Variants in NBAS observed in about 807,000 individuals in gnomAD.
NBAS encodes NBAS subunit of NRZ tethering complex, also known as NAG/BC035112 fusion.
A neutral mutation model predicts 302.5 loss-of-function variants in NBAS; 219 were observed. The observed-to-expected ratio is 0.72, with a 90% CI of 0.65 to 0.81. The LOEUF (loss-of-function observed/expected upper bound fraction) is 0.81. NBAS is among the 30% of genes least tolerant of loss of function. The probability of loss-of-function intolerance (pLI) is 0.00; values close to 1 mark genes in which losing one functional copy is unlikely to be tolerated. For synonymous variants in NBAS, 1,118 were observed against 1,021.6 expected (o/e 1.09, Z -1.80); for missense variants, 2,932 against 2,841.6 (o/e 1.03, Z -0.72).
intron 6 of NBAS, among the ~76,000 whole-genome samples, chr2:15,544,497 T>G (rs1664010094): frequency 6.6e-6 from 1 of 152,152 alleles, no homozygotes. Context: ...GCATAAACTT[T>G]GCAAATTTGA....
the NBAS span, among the ~76,000 whole-genome samples, chr2:14,929,686 A>C: frequency 2.7e-3 from 402 of 148,132 alleles, 4 homozygotes; most frequent in African/African-American, 9.8e-3. Flanking sequence ...TCCAACAGTA[A>C]ATTTTTTTTT....
chr2:15,449,783 A>T (rs1340486471), intron 21 of NBAS, among the ~76,000 whole-genome samples: 1 of 152,184 alleles, frequency 6.6e-6, no homozygotes, highest in Non-Finnish European at 1.5e-5. Context: ...CTGCCAGCAT[A>T]TTCCACTCTG....
chr2:14,874,579 G>A, the NBAS span, among the ~76,000 whole-genome samples: 2 of 150,834 alleles, frequency 1.3e-5, no homozygotes, highest in African/African-American at 4.9e-5. Flanking sequence ...GGTGGAGCTT[G>A]CAGTGAGCCA....
chr2:14,785,120 T>C, the NBAS span, among the ~76,000 whole-genome samples: 3 of 152,174 alleles, frequency 2.0e-5, no homozygotes, highest in Non-Finnish European at 2.9e-5. Context: ...GCTCTCTGTT[T>C]GTCTGTTATT....
the NBAS span, among the ~76,000 whole-genome samples, chr2:15,007,747 T>C: frequency 9.8e-3 from 1,498 of 152,298 alleles, 41 homozygotes; most frequent in East Asian, 0.089. Flanking sequence ...ACTAGGATGA[T>C]AGTAAAGGCT....
intron 32 of NBAS, among the ~76,000 whole-genome samples, chr2:15,360,350 A>C (rs62119505): frequency 1.3e-5 from 2 of 151,262 alleles, no homozygotes; most frequent in Admixed American, 6.6e-5. Context: ...AAAAAAACAA[A>C]ACAAAACAGA....
chr2:14,845,374 A>G, the NBAS span, among the ~76,000 whole-genome samples: 8 of 152,238 alleles, frequency 5.3e-5, no homozygotes, highest in African/African-American at 1.7e-4. Flanking sequence ...TAATAAAGAT[A>G]TGGCTTATAT....
the NBAS span, among the ~76,000 whole-genome samples, chr2:14,848,280 C>T: frequency 9.8e-4 from 144 of 147,240 alleles, 1 homozygote; most frequent in African/African-American, 3.7e-3. Context: ...CGCAAGGGGT[C>T]AGGGAGTTCC....
chr2:15,433,102 G>A (rs986653363), intron 21 of NBAS, among the ~76,000 whole-genome samples: 40 of 152,180 alleles, frequency 2.6e-4, no homozygotes, highest in Non-Finnish European at 4.7e-4. Flanking sequence ...AGTAAATGCC[G>A]CAATACTGCC....
At chr2:14,991,587 A>G in the NBAS span, among the ~76,000 whole-genome samples, 2 of 152,180 alleles carry the variant, frequency 1.3e-5, no homozygotes, top group Admixed American at 6.5e-5. Flanking sequence ...TCTGCTGCCC[A>G]GGTGCATTAC....
chr2:15,105,523 G>T, the NBAS span, among the ~76,000 whole-genome samples: 1 of 151,616 alleles, frequency 6.6e-6, no homozygotes, highest in Non-Finnish European at 1.5e-5. Context: ...TGTTTTTATG[G>T]TCCCTCCTAG....
intron 44 of NBAS, among the ~76,000 whole-genome samples, chr2:15,241,819 A>C (rs1176898223): frequency 1.3e-5 from 2 of 152,056 alleles, no homozygotes; most frequent in Non-Finnish European, 2.9e-5. Flanking sequence ...AGCTCCCCAA[A>C]TTTCTCAGCA....
At chr2:14,894,569 G>T in the NBAS span, among the ~76,000 whole-genome samples, 3 of 151,754 alleles carry the variant, frequency 2.0e-5, no homozygotes, top group Non-Finnish European at 2.9e-5. Flanking sequence ...AATATAATAT[G>T]ACTCCTCTGT....
intron 1 of NBAS, 79 bp from the exon 2 acceptor site, chr2:15,558,713 C>T (rs1201625949): frequency 3.6e-6 from 4 of 1,103,166 alleles, no homozygotes; most frequent in South Asian, 2.7e-5. Context: ...AATATGTAAA[C>T]TTATTTTTAT....
the NBAS span, among the ~76,000 whole-genome samples, chr2:14,903,258 A>G: frequency 6.6e-6 from 1 of 151,898 alleles, no homozygotes; most frequent in Non-Finnish European, 1.5e-5. Flanking sequence ...CAGTATTAGC[A>G]TCTTCTGAAT....
At chr2:15,442,438 T>C (rs907118603) in intron 21 of NBAS, among the ~76,000 whole-genome samples, 5 of 151,692 alleles carry the variant, frequency 3.3e-5, no homozygotes, top group African/African-American at 1.2e-4. Context: ...GAAATAAAGA[T>C]GTTCTTTGAA....
At chr2:15,364,952 T>G (rs1387208697) in intron 32 of NBAS, among the ~76,000 whole-genome samples, 1 of 152,150 alleles carries the variant, frequency 6.6e-6, no homozygotes, top group Non-Finnish European at 1.5e-5. Flanking sequence ...ACCAAAACAC[T>G]CTATAAGGTA....
At chr2:14,785,388 G>A in the NBAS span, among the ~76,000 whole-genome samples, 5 of 152,166 alleles carry the variant, frequency 3.3e-5, no homozygotes, top group Non-Finnish European at 7.3e-5. Context: ...GGGCATCCCT[G>A]TGTTGTGCCA....
the NBAS span, among the ~76,000 whole-genome samples, chr2:14,892,488 G>A: frequency 1.2e-4 from 19 of 152,140 alleles, no homozygotes; most frequent in Admixed American, 3.3e-4. Flanking sequence ...TTTTTAAATC[G>A]CTTCTCTTCC....
Sources: gnomAD v4.1 joint callset for allele counts (sites outside exome capture counted in the v4.1 genomes callset) on GRCh38, gnomAD v4.1.1 for gene constraint, MANE v1.5 for transcripts, NCBI Gene and HGNC (gene_info 2026-07-23, HGNC 2026-07-21) for gene names.